The following DIAPH3 variants were observed in gnomAD, a reference collection of about 807,000 sequenced individuals.
DIAPH3 encodes diaphanous related formin 3.
DIAPH3 carries 117 observed loss-of-function variants against 144.3 expected under a neutral mutation model. The observed-to-expected ratio is 0.81, with a 90% CI of 0.70 to 0.95. DIAPH3 has a LOEUF of 0.95. Ranked by LOEUF, DIAPH3 falls within the 40% of genes least tolerant of loss-of-function variation. The pLI, the probability that DIAPH3 is intolerant of heterozygous loss-of-function variation, is 0.00. For missense variants in DIAPH3, 1,421 were observed against 1,412.7 expected (o/e 1.01, Z -0.09); for synonymous variants, 519 against 488.9 (o/e 1.06, Z -0.81).
chr13:59,916,674 T>G (rs560770056), intron 18 of DIAPH3, among the ~76,000 whole-genome samples: 40 of 152,160 alleles, frequency 2.6e-4, no homozygotes, highest in Non-Finnish European at 5.1e-4. Context: ...TCTTCTAGCC[T>G]TAGGAAAGAG....
At chr13:59,669,084 A>G (rs2032198880) in intron 27 of DIAPH3, among the ~76,000 whole-genome samples, 1 of 152,160 alleles carries the variant, frequency 6.6e-6, no homozygotes, top group South Asian at 2.1e-4. Flanking sequence ...TGCCAAAGGA[A>G]AGTGCTAAGT....
At chr13:59,675,420 T>C (rs1381984215) in intron 27 of DIAPH3, among the ~76,000 whole-genome samples, 1 of 151,660 alleles carries the variant, frequency 6.6e-6, no homozygotes, top group African/African-American at 2.4e-5. Context: ...AGTCTCGCTC[T>C]GTCGCCCAGG....
At chr13:59,790,676 A>G (rs896477218) in intron 25 of DIAPH3, among the ~76,000 whole-genome samples, 9 of 152,198 alleles carry the variant, frequency 5.9e-5, no homozygotes, top group African/African-American at 2.2e-4. Context: ...GGAAGTCAGC[A>G]AGGAGAATAA....
chr13:60,127,899 C>A (rs2059029500), intron 2 of DIAPH3, among the ~76,000 whole-genome samples: 1 of 151,898 alleles, frequency 6.6e-6, no homozygotes, highest in Non-Finnish European at 1.5e-5. Context: ...GTAAATCATA[C>A]CTCAACTTTT....
chr13:59,824,375 G>GT, intron 24 of DIAPH3, among the ~76,000 whole-genome samples: 1 of 152,052 alleles, frequency 6.6e-6, no homozygotes, highest in East Asian at 1.9e-4. Flanking sequence ...GCCTATACAC[G>GT]TATCACTAAT....
At chr13:59,690,502 A>C (rs2033453163) in intron 27 of DIAPH3, among the ~76,000 whole-genome samples, 1 of 152,194 alleles carries the variant, frequency 6.6e-6, no homozygotes, top group Non-Finnish European at 1.5e-5. Context: ...AATGTAATGA[A>C]AACATTGCAC....
chr13:60,061,686 A>G (rs1428275816), intron 4 of DIAPH3, among the ~76,000 whole-genome samples: 1 of 151,944 alleles, frequency 6.6e-6, no homozygotes, highest in Admixed American at 6.6e-5. Context: ...AAGACAAAAT[A>G]CAGGGAGAAT....
intron 4 of DIAPH3, among the ~76,000 whole-genome samples, chr13:60,065,592 T>C (rs1293238342): frequency 1.3e-5 from 2 of 152,186 alleles, no homozygotes; most frequent in African/African-American, 2.4e-5. Context: ...ATTTAAGAGA[T>C]ACACTGCTGT....
intron 1 of DIAPH3, 54 bp downstream of exon 1, chr13:60,163,533 T>A: frequency 1.3e-6 from 2 of 1,583,308 alleles, no homozygotes; most frequent in Non-Finnish European, 1.7e-6. Context: ...CCCTCGGCAG[T>A]CAGCCCTACG....
intron 27 of DIAPH3, among the ~76,000 whole-genome samples, chr13:59,689,366 G>A (rs2033388454): frequency 6.6e-6 from 1 of 151,974 alleles, no homozygotes; most frequent in Non-Finnish European, 1.5e-5. Flanking sequence ...CTGGGAAAAT[G>A]GGAAGTGCAG....
At chr13:59,961,633 A>C (rs997830555) in intron 17 of DIAPH3, among the ~76,000 whole-genome samples, 12 of 152,360 alleles carry the variant, frequency 7.9e-5, no homozygotes, top group African/African-American at 2.9e-4. Flanking sequence ...AATGCAGAGC[A>C]CTTTAAATAA....
chr13:60,053,113 A>C (rs2056421741), intron 4 of DIAPH3, among the ~76,000 whole-genome samples: 1 of 151,964 alleles, frequency 6.6e-6, no homozygotes, highest in Non-Finnish European at 1.5e-5. Flanking sequence ...CAGGTATAGA[A>C]AAAAAGGAAA....
intron 5 of DIAPH3, among the ~76,000 whole-genome samples, chr13:60,029,583 G>A (rs976445642): frequency 6.6e-6 from 1 of 152,160 alleles, no homozygotes; most frequent in Non-Finnish European, 1.5e-5. Flanking sequence ...TTTGGCATTT[G>A]CCCTGCTTCC....
intron 17 of DIAPH3, among the ~76,000 whole-genome samples, chr13:59,932,403 T>C (rs1477173205): frequency 6.6e-6 from 1 of 152,064 alleles, no homozygotes; most frequent in African/African-American, 2.4e-5. Context: ...ATCATTGTCA[T>C]CATCATCATC....
chr13:59,724,226 C>G (rs959892707), intron 27 of DIAPH3, among the ~76,000 whole-genome samples: 2 of 152,248 alleles, frequency 1.3e-5, no homozygotes, highest in Admixed American at 1.3e-4. Flanking sequence ...TCATTGTTTA[C>G]TTGAAATTTA....
intron 17 of DIAPH3, among the ~76,000 whole-genome samples, chr13:59,925,758 T>C (rs1185674013): frequency 6.6e-6 from 1 of 152,136 alleles, no homozygotes; most frequent in Non-Finnish European, 1.5e-5. Flanking sequence ...TTAATCTTGG[T>C]AGCTACGTGT....
intron 24 of DIAPH3, among the ~76,000 whole-genome samples, chr13:59,815,012 G>A (rs1476981452): frequency 6.6e-6 from 1 of 152,140 alleles, no homozygotes; most frequent in Admixed American, 6.5e-5. Flanking sequence ...GCAAATGACA[G>A]AATTTCCATT....
At chr13:59,676,917 C>T (rs1239710528) in intron 27 of DIAPH3, among the ~76,000 whole-genome samples, 3 of 152,006 alleles carry the variant, frequency 2.0e-5, no homozygotes, top group Admixed American at 2.0e-4. Flanking sequence ...TAGAAATGTT[C>T]CTTTACTTCT....
At position 59,666,534 on chromosome 13, in the gene DIAPH3, A is replaced by C; in HGVS notation, c.*50T>G. The C allele has an allele frequency of 6.2e-7, 1 of 1,609,488 alleles. No individual in the cohort carries two copies. Among genetic ancestry groups the C allele is most frequent in the Non-Finnish European group, 8.5e-7 (1 of 1,177,592 alleles). ...AATTTTTTCAAGTGTTATAGTTTAG[A>C]GCATGGCTTTATATTTGGCTTAATC... On this transcript the variant is annotated 3_prime_UTR_variant, in exon 28 of 28. Coordinates refer to ENST00000400324, the MANE Select transcript of DIAPH3 (RefSeq NM_001042517.2).
Sources: allele counts gnomAD v4.1 joint callset (sites outside exome capture counted in the v4.1 genomes callset), GRCh38; gene constraint gnomAD v4.1.1; transcripts MANE v1.5; gene names NCBI Gene and HGNC (gene_info 2026-07-23, HGNC 2026-07-21).